The following ROBO3 variants were observed in gnomAD, a reference collection of about 807,000 sequenced individuals.
The protein encoded by ROBO3 is roundabout guidance receptor 3.
A neutral mutation model predicts 160.5 loss-of-function variants in ROBO3; 97 were observed. The ratio of observed to expected loss-of-function variants is 0.60; its 90% CI spans 0.51 to 0.72. The LOEUF (loss-of-function observed/expected upper bound fraction) is 0.72, where lower values mean the gene tolerates loss of function less well. ROBO3 is among the 30% of genes least tolerant of loss of function. ROBO3 has a pLI of 0.00. For missense variants in ROBO3, 1,858 were observed against 1,846.5 expected, an observed-to-expected ratio of 1.01 and a Z score of -0.11; for synonymous variants, 780 against 746.2, an observed-to-expected ratio of 1.05 and a Z score of -0.74.
rs1368854106 is a variant in ROBO3, at chr11:124,873,985, G to A, written c.1785-85G>A. On this transcript the variant is annotated intron_variant, in intron 11 of 27. Transcript: ENST00000397801. This position sits in a 1 kb window ranked among gnomAD's most constrained non-coding sequence, Gnocchi z 4.5. The stretch of plus-strand genomic sequence containing the variant: ...CCTCTTGCAAGGGGAAGACATAATG[G>A]TCGTTCATAGAGAGTGGATGAGATG... 1.9e-6 allele frequency: 3 copies of A among 1,588,446 alleles called. No individual in the cohort carries two copies. Among genetic ancestry groups the A allele is most frequent in the East Asian group, 4.5e-5 (2 of 44,688 alleles).
In ROBO3 at chr11:124,870,290, C is replaced by G. The variant is rs1946263779; in HGVS notation, c.892C>G (p.Leu298Val). 1 of 1,613,856 alleles carries G rather than the reference C, an allele frequency of 6.2e-7. No individual in the cohort carries two copies. ...RLRWRKEDGE[L>V]PTGRYEIRSD... ...ACGCTGGCGCAAGGAGGATGGGGAA[C>G]TGCCCACAGGCAGGTGAGAGACCCC... The change falls in exon 5 of 28, where the codon CTG becomes GTG. Residue 298 changes from leucine (L) to valine (V), a missense_variant. Coordinates refer to ENST00000397801, the MANE Select transcript of ROBO3 (RefSeq NM_022370.4).
intron 1 of ROBO3, chr11:124,868,383 T>A: frequency 2.2e-6 from 1 of 449,114 alleles, no homozygotes; most frequent in Non-Finnish European, 4.1e-6. Flanking sequence ...GCACGGTTTA[T>A]GGTCTTTCAC....
chr11:124,877,461 T>G, intron 19 of ROBO3, 58 bp from the exon 20 acceptor site: 1 of 1,599,916 alleles, frequency 6.3e-7, no homozygotes, highest in Non-Finnish European at 8.5e-7. Context: ...GCCACCTCCC[T>G]TTCCTTTGCT....
In ROBO3 at chr11:124,878,761, C is replaced by T. The variant is rs1376282889; in HGVS notation, c.3498C>T (p.Pro1166=). The change falls in exon 23 of 28, where the codon CCC becomes CCT. Residue 1166 remains proline, a synonymous_variant. Transcript: ENST00000397801. This position sits in a 1 kb window ranked among gnomAD's most constrained non-coding sequence, Gnocchi z 4.3. ...LTPSPPDPPQ[P]PTDMPHLHQM... is the part of the protein sequence containing the mutation. ...CCTCACCTCCTGACCCTCCCCAGCC[C>T]CCAACTGACATGCCCCATCTCCATC... 2 of 1,613,568 alleles carry T rather than the reference C, an allele frequency of 1.2e-6. No individual in the cohort carries two copies. The highest frequency in any genetic ancestry group is 1.7e-6 in the Non-Finnish European group (2 of 1,179,866).
intron 27 of ROBO3, 49 bp downstream of exon 27, chr11:124,880,657 G>C (rs12284882): frequency 4.8e-6 from 7 of 1,471,098 alleles, no homozygotes; most frequent in Non-Finnish European, 6.3e-6. Context: ...CTAGGGAAGG[G>C]TGGACCAAGG....
In ROBO3 at chr11:124,879,845, G is replaced by A. The variant is rs754894712; in HGVS notation, c.3855G>A (p.Leu1285=). The A allele has an allele frequency of 2.5e-6, 4 of 1,613,852 alleles. No homozygotes were observed. The South Asian group carries it at 4.4e-5, about 18-fold the overall frequency. The change falls in exon 26 of 28, where the codon CTG becomes CTA. Residue 1285 remains leucine, a synonymous_variant. Transcript: ENST00000397801. ...PEEEASWALE[L]RAAGSMSSLE... Reference sequence around the variant, plus strand: ...AAGAGGCGAGCTGGGCCCTAGAGCTGAGGGCAGCAGGCAGCATGTCCTCCC... The same window carrying A: ...AAGAGGCGAGCTGGGCCCTAGAGCTAAGGGCAGCAGGCAGCATGTCCTCCC...
At position 124,870,225 on chromosome 11, in the gene ROBO3, C is replaced by A; in HGVS notation, c.827C>A (p.Thr276Asn). The A allele has an allele frequency of 1.2e-6, 2 of 1,614,076 alleles. No homozygotes were observed. The highest frequency in any genetic ancestry group is 1.7e-6 in the Non-Finnish European group (2 of 1,179,904). ...NQVVLADAPVTFLCEVKGDPP... is the reference protein window; with the variant it reads ...NQVVLADAPVNFLCEVKGDPP... ...GTGGTCCTGGCTGATGCCCCTGTGA[C>A]TTTCCTATGTGAGGTGAAGGGGGAT... is the stretch of plus-strand genomic sequence containing the variant. The change falls in exon 5 of 28, where the codon ACT becomes AAT. Residue 276 changes from threonine (T) to asparagine (N), a missense_variant. By Grantham distance (65) the Thr-to-Asn change is moderately conservative (BLOSUM62 0). Coordinates refer to ENST00000397801, the MANE Select transcript of ROBO3 (RefSeq NM_022370.4).
At position 124,871,126 on chromosome 11, in the gene ROBO3, G is replaced by A. The variant is rs531587302; in HGVS notation, c.1146G>A (p.Lys382=). The A allele has an allele frequency of 6.8e-6, 11 of 1,613,128 alleles. No individual in the cohort carries two copies. The African/African-American group carries it at 1.1e-4, about 16-fold the overall frequency. Residue 382 remains lysine, a synonymous_variant, in exon 7 of 28, where the codon AAG becomes AAA. Transcript: ENST00000397801. The stretch of plus-strand genomic sequence containing the variant: ...CCCCACCTGCCATCTTCTGGCAGAA[G>A]GAGGGGAGTCAGGTGGGTGGCCATC... The part of the protein sequence containing the change: ...GNPPPAIFWQ[K]EGSQVLLFPS...
Position 124,876,305 on chromosome 11 carries a change from AGGTGGGCGCGGGGCTGGC to A in ROBO3, c.2629_2646del (p.Gly877_Val882del). 1 of 1,455,602 alleles carries A rather than the reference AGGTGGGCGCGGGGCTGGC, an allele frequency of 6.9e-7. No individual in the cohort carries two copies. Among genetic ancestry groups the A allele is most frequent in the Non-Finnish European group, 9.0e-7 (1 of 1,116,792 alleles). The allele number at this position is 1,455,602 out of a possible 1,614,324, so 90.2% of individuals were successfully genotyped here. On this transcript the variant is annotated inframe_deletion, in exon 17 of 28. Transcript: ENST00000397801. The surrounding 1 kb of genome is among the most constrained non-coding windows in gnomAD (Gnocchi z 5.3). ...CCGCCGGACCTGGAGCCCGGGCTGG[AGGTGGGCGCGGGGCTGGC>A]GGTGCGGCTGGCGAGGGTGCTGCGG... is the stretch of plus-strand genomic sequence containing the variant.
chr11:124,876,218 C>A lies in ROBO3; in HGVS notation c.2594-57C>A. 6.6e-7 allele frequency: 1 copy of A among 1,504,750 alleles called. No individual in the cohort carries two copies. The highest frequency in any genetic ancestry group is 8.8e-7 in the Non-Finnish European group (1 of 1,135,200). 93.2% of individuals were successfully genotyped at this position (1,504,750 alleles called of 1,614,324 possible). On this transcript the variant is annotated intron_variant, in intron 16 of 27. Transcript: ENST00000397801. This position sits in a 1 kb window ranked among gnomAD's most constrained non-coding sequence, Gnocchi z 5.3. The stretch of plus-strand genomic sequence containing the variant: ...TGTGCCTGCCGGGTCGGGAATGACC[C>A]TTTCCCAGTTCCAGGGTTTCGGGCC...
In ROBO3 at chr11:124,874,826, G is replaced by C; in HGVS notation, c.1990G>C (p.Gly664Arg). The part of the protein sequence containing the change: ...PSRPVEDPWR[G>R]QQGLAEVAVR... ...TAGGCCAGTGGAGGACCCATGGAGA[G>C]GCCAGCAGGGACTGGCGGAAGTGGC... Residue 664 changes from glycine to arginine, a missense_variant, in exon 13 of 28, where the codon GGC becomes CGC. Transcript: ENST00000397801. 1 of 1,605,232 alleles carries C rather than the reference G, an allele frequency of 6.2e-7. No homozygotes were observed. The highest frequency in any genetic ancestry group is 1.1e-5 in the South Asian group (1 of 89,042).
rs2135330848 is a variant in ROBO3, at chr11:124,873,755, C to G, written c.1677C>G (p.Pro559=). 6.2e-7 allele frequency: 1 copy of G among 1,613,860 alleles called. No homozygotes were observed. The highest frequency in any genetic ancestry group is 8.5e-7 in the Non-Finnish European group (1 of 1,179,794). The change falls in exon 11 of 28, where the codon CCC becomes CCG. Residue 559 remains proline, a synonymous_variant. Transcript: ENST00000397801. The surrounding 1 kb of genome is among the most constrained non-coding windows in gnomAD (Gnocchi z 4.5). ...AACCCAGTTCCCCTCCGGGGGCTCC[C>G]TCTCAGCCAGTGGTCACTGAGATCA... The part of the protein sequence containing the change: ...PTEPSSPPGA[P]SQPVVTEITK...
rs763707813 is a variant in ROBO3, at chr11:124,865,638, G to A, written c.61G>A (p.Gly21Arg). 13 of 1,612,818 alleles carry A rather than the reference G, an allele frequency of 8.1e-6. No individual in the cohort carries two copies. Among genetic ancestry groups the A allele is most frequent in the South Asian group, 2.2e-5 (2 of 90,818 alleles). Reference protein sequence around the residue: ...QMNLFADSLAGDISNSSELLL... With the variant: ...QMNLFADSLARDISNSSELLL... ...GAACTTGTTCGCGGACTCTCTGGCC[G>A]GGGACATCTCCAACTCCAGCGAGCT... The change falls in exon 1 of 28, where the codon GGG (glycine) becomes AGG (arginine). Residue 21 changes from glycine to arginine, a missense_variant. Physicochemically the swap from Gly to Arg is moderately radical, Grantham distance 125. Transcript: ENST00000397801. The surrounding 1 kb of genome is among the most constrained non-coding windows in gnomAD (Gnocchi z 5.5).
rs758206469 is a variant in ROBO3 at position 124,879,591 on chromosome 11, C to G, written c.3796+16C>G. ...AGTCCTGGGGGTGAGGGGGGATGCA[C>G]CTGGGAGATGGTGACAGTAGTGGCG... On this transcript the variant is annotated intron_variant, in intron 25 of 27. Coordinates refer to ENST00000397801, the MANE Select transcript of ROBO3 (RefSeq NM_022370.4). The G allele has an allele frequency of 4.4e-6, 7 of 1,600,422 alleles. No homozygotes were observed. The highest frequency in any genetic ancestry group is 5.1e-6 in the Non-Finnish European group (6 of 1,169,202).
chr11:124,879,026 T>C (rs1315196539), intron 23 of ROBO3, 164 bp from the exon 24 acceptor site: 1 of 868,228 alleles, frequency 1.2e-6, no homozygotes, highest in Non-Finnish European at 1.8e-6. Context: ...CTGAGACATT[T>C]CAGATATGGC....
chr11:124,868,383 T>TGCAC, intron 1 of ROBO3: 1 of 449,114 alleles, frequency 2.2e-6, no homozygotes, highest in South Asian at 2.8e-5. Context: ...GCACGGTTTA[T>TGCAC]GGTCTTTCAC....
Position 124,876,285 on chromosome 11 carries a change from G to A in ROBO3, c.2604G>A (p.Pro868=). The change falls in exon 17 of 28, where the codon CCG becomes CCA. Residue 868 remains proline, a synonymous_variant. Transcript: ENST00000397801. The surrounding 1 kb of genome is among the most constrained non-coding windows in gnomAD (Gnocchi z 5.3). Reference sequence around the variant, plus strand: ...CTCTGACCCCCACAGCGTCCCCGCCGGACCTGGAGCCCGGGCTGGAGGTGG... The same window carrying A: ...CTCTGACCCCCACAGCGTCCCCGCCAGACCTGGAGCCCGGGCTGGAGGTGG... ...APVLVQLPSP[P]DLEPGLEVGA... 1 of 1,463,738 alleles carries A rather than the reference G, an allele frequency of 6.8e-7. No homozygotes were observed. The highest frequency in any genetic ancestry group is 8.9e-7 in the Non-Finnish European group (1 of 1,120,172). 90.7% of individuals were successfully genotyped at this position (1,463,738 alleles called of 1,614,324 possible). A position where few individuals can be genotyped will look rare whatever the true frequency, so the allele number is the denominator to read the frequency against.
chr11:124,881,308 CT>C lies in ROBO3; in HGVS notation c.*62del, dbSNP rs556814917. On this transcript the variant is annotated 3_prime_UTR_variant, in exon 28 of 28. Transcript: ENST00000397801. ...CCACGGGGAAGGGGAGTAGGGATGT[CT>C]TTTCCCCCCCAGCAGTGATGAGTGG... The C allele has an allele frequency of 5.1e-5, 79 of 1,537,584 alleles. No homozygotes were observed. In the East Asian group the frequency reaches 1.5e-3, roughly 29 times the overall value.
chr11:124,867,823 GA>G (rs1343367741), intron 1 of ROBO3, among the ~76,000 whole-genome samples: 3 of 152,106 alleles, frequency 2.0e-5, no homozygotes, highest in Non-Finnish European at 4.4e-5. Context: ...ACAGATGCTT[GA>G]AGTGGTCCCT....
Sources: allele counts gnomAD v4.1 joint callset (sites outside exome capture counted in the v4.1 genomes callset), GRCh38; gene constraint gnomAD v4.1.1; non-coding constraint Gnocchi (gnomAD v3.1); transcripts MANE v1.5; gene names NCBI Gene and HGNC (gene_info 2026-07-23, HGNC 2026-07-21).